Variants in ZSCAN25 observed in about 807,000 individuals in gnomAD.
The protein encoded by ZSCAN25 is zinc finger and SCAN domain containing 25.
Under a neutral mutation model 38.7 loss-of-function variants are expected in ZSCAN25, and 27 were observed. The ratio of observed to expected loss-of-function variants is 0.70; its 90% confidence interval spans 0.51 to 0.96. The LOEUF is 0.96. Among genes scored for constraint, ZSCAN25 ranks in the 40% least tolerant of loss-of-function variants. The pLI, the probability that ZSCAN25 is intolerant of heterozygous loss-of-function variation, is 0.00. For synonymous variants in ZSCAN25, 273 were observed against 277.7 expected (o/e 0.98, Z 0.17); for missense variants, 637 against 705.9 (o/e 0.90, Z 1.11).
At chr7:99,730,663 T>C in the ZSCAN25 span, 1 of 211,456 alleles carries the variant, frequency 4.7e-6, no homozygotes, top group Non-Finnish European at 9.6e-6. Flanking sequence ...AGAGGAAAGT[T>C]TTACTCTCAT....
the ZSCAN25 span, chr7:99,660,774 C>T: frequency 4.8e-6 from 6 of 1,251,246 alleles, no homozygotes; most frequent in Non-Finnish European, 6.7e-6. Context: ...AAAAGCAATT[C>T]AAAGTCACAC....
At chr7:99,735,701 A>C in the ZSCAN25 span, among the ~76,000 whole-genome samples, 1 of 152,216 alleles carries the variant, frequency 6.6e-6, no homozygotes, top group East Asian at 1.9e-4. Flanking sequence ...CATCCCCTTC[A>C]TGCAGTTCTA....
chr7:99,628,171 A>C (rs995061961), intron 7 of ZSCAN25, among the ~76,000 whole-genome samples: 5 of 152,230 alleles, frequency 3.3e-5, no homozygotes, highest in African/African-American at 1.2e-4. Flanking sequence ...TGCGTGTACA[A>C]AACATAAATG....
chr7:99,733,809 G>A, the ZSCAN25 span, among the ~76,000 whole-genome samples: 26 of 152,308 alleles, frequency 1.7e-4, no homozygotes, highest in Non-Finnish European at 3.1e-4. Flanking sequence ...TCACAGTCTT[G>A]CTTACTTTCT....
At chr7:99,647,972 G>A in the ZSCAN25 span, 3 of 985,240 alleles carry the variant, frequency 3.0e-6, no homozygotes, top group Non-Finnish European at 3.6e-6. Flanking sequence ...TAAAAGTTAT[G>A]GATCAAATTG....
the ZSCAN25 span, among the ~76,000 whole-genome samples, chr7:99,664,841 A>C: frequency 2.0e-5 from 3 of 152,234 alleles, no homozygotes; most frequent in Non-Finnish European, 4.4e-5. Flanking sequence ...AACTCATGAA[A>C]TAGAGAATAA....
the ZSCAN25 span, among the ~76,000 whole-genome samples, chr7:99,667,293 C>G: frequency 6.6e-6 from 1 of 152,170 alleles, no homozygotes; most frequent in African/African-American, 2.4e-5. Context: ...GGTGTGGTCT[C>G]CTGCCTCTAT....
At chr7:99,664,436 C>A in the ZSCAN25 span, among the ~76,000 whole-genome samples, 51 of 152,136 alleles carry the variant, frequency 3.4e-4, 1 homozygote, top group Admixed American at 6.5e-5. Flanking sequence ...CTTAATCATG[C>A]TGTTCAGGAA....
the ZSCAN25 span, chr7:99,713,647 GA>G: frequency 7.1e-7 from 1 of 1,407,950 alleles, no homozygotes; most frequent in Non-Finnish European, 9.9e-7. Flanking sequence ...TTGGAGACCA[GA>G]AATCTGATGG....
the ZSCAN25 span, among the ~76,000 whole-genome samples, chr7:99,654,205 A>G: frequency 6.6e-6 from 1 of 152,194 alleles, no homozygotes; most frequent in African/African-American, 2.4e-5. Context: ...AACATTCGGT[A>G]TATCTCCTAA....
the ZSCAN25 span, among the ~76,000 whole-genome samples, chr7:99,644,960 T>C: frequency 2.0e-5 from 3 of 152,018 alleles, no homozygotes; most frequent in African/African-American, 7.2e-5. Context: ...CAGGATGGCT[T>C]TGAGGAGGAC....
chr7:99,672,611 T>C, the ZSCAN25 span: 1 of 1,614,042 alleles, frequency 6.2e-7, no homozygotes, highest in Non-Finnish European at 8.5e-7. Flanking sequence ...ATAACATTCT[T>C]TCACTAGCAC....
the ZSCAN25 span, chr7:99,660,730 A>AGCT: frequency 1.3e-6 from 2 of 1,555,358 alleles, no homozygotes; most frequent in South Asian, 1.1e-5. Context: ...ATGAAATCTA[A>AGCT]GTGAAGCTCT....
chr7:99,725,646 C>G, the ZSCAN25 span, among the ~76,000 whole-genome samples: 1 of 152,238 alleles, frequency 6.6e-6, no homozygotes, highest in African/African-American at 2.4e-5. Context: ...GACTGTCTGA[C>G]TCACATCGCC....
chr7:99,710,356 A>T, the ZSCAN25 span, among the ~76,000 whole-genome samples: 1 of 152,222 alleles, frequency 6.6e-6, no homozygotes, highest in Non-Finnish European at 1.5e-5. Flanking sequence ...CAGCGCACCC[A>T]GGGCCAGGCT....
chr7:99,655,387 G>T, the ZSCAN25 span, among the ~76,000 whole-genome samples: 2 of 152,308 alleles, frequency 1.3e-5, no homozygotes, highest in East Asian at 3.9e-4. Flanking sequence ...TCAGATGGTT[G>T]TAGATATGTG....
Position 99,631,803 on chromosome 7 carries a change from T to C in ZSCAN25, c.*1783T>C. 1.0e-6 allele frequency: 1 copy of C among 985,470 alleles called. No homozygotes were observed. Among genetic ancestry groups the C allele is most frequent in the East Asian group, 1.1e-4 (1 of 8,822 alleles). 61.0% of individuals were successfully genotyped at this position (985,470 alleles called of 1,614,324 possible). A position where few individuals can be genotyped will look rare whatever the true frequency, so the allele number is the denominator to read the frequency against. ...GGCTCATTAGCTGTGCCCACGAGGC[T>C]GCACTGACTGGGTCGTAAATGTATC... On this transcript the variant is annotated 3_prime_UTR_variant, in exon 8 of 8. Coordinates refer to ENST00000394152, the MANE Select transcript of ZSCAN25 (RefSeq NM_145115.3).
At chr7:99,694,793 G>C in the ZSCAN25 span, among the ~76,000 whole-genome samples, 1 of 152,194 alleles carries the variant, frequency 6.6e-6, no homozygotes, top group Non-Finnish European at 1.5e-5. Flanking sequence ...GCCCTGTGGA[G>C]ATAAGCTCAT....
the ZSCAN25 span, chr7:99,638,532 G>T: frequency 6.6e-7 from 1 of 1,509,972 alleles, no homozygotes; most frequent in Non-Finnish European, 9.2e-7. Flanking sequence ...TTGGGTCCCA[G>T]TGTAGTTATG....
Sources: allele counts gnomAD v4.1 joint callset (sites outside exome capture counted in the v4.1 genomes callset), GRCh38; gene constraint gnomAD v4.1.1; transcripts MANE v1.5; gene names NCBI Gene and HGNC (gene_info 2026-07-23, HGNC 2026-07-21).